The following POLRMT variants were observed in gnomAD, a reference collection of about 807,000 sequenced individuals.
POLRMT encodes the protein DNA-directed RNA polymerase, mitochondrial.
In POLRMT, 114 loss-of-function variants were observed where a neutral mutation model predicts 132.2. The ratio of observed to expected loss-of-function variants is 0.86; its 90% CI spans 0.74 to 1.01. The LOEUF (loss-of-function observed/expected upper bound fraction) is 1.01, where lower values mean the gene tolerates loss of function less well. POLRMT is among the 50% of genes least tolerant of loss of function. The probability of loss-of-function intolerance (pLI) is 0.00; values close to 1 mark genes in which losing one functional copy is unlikely to be tolerated. For synonymous variants in POLRMT, 1,020 were observed against 773.4 expected, an observed-to-expected ratio of 1.32 and a Z score of -5.29; for missense variants, 2,003 against 1,729.1, an observed-to-expected ratio of 1.16 and a Z score of -2.81.
rs149355349 is a variant in POLRMT, at chr19:617,608, C to T, written c.3543G>A (p.Gln1181=). Residue 1181 remains glutamine, a synonymous_variant, in exon 19 of 21, where the codon CAG becomes CAA. Coordinates refer to ENST00000588649, the MANE Select transcript of POLRMT (RefSeq NM_005035.4). ...GCTTGACCAGGAATCTGGACAGGTC[C>T]TGCAGGATGGGCTCGCTGTGCAAGC... ...FVRLHSEPIL[Q]DLSRFLVKRF... 27 of 1,612,354 alleles carry T rather than the reference C, an allele frequency of 1.7e-5. No individual in the cohort carries two copies. In the African/African-American group the frequency reaches 3.1e-4, roughly 18 times the overall value.
chr19:620,517 G>A (rs1005791538), intron 10 of POLRMT, 30 bp from the exon 11 acceptor site: 9 of 1,520,926 alleles, frequency 5.9e-6, no homozygotes, highest in African/African-American at 2.8e-5. Flanking sequence ...GGGGCAGTGA[G>A]GCCCGGGCCC....
chr19:627,187 T>G (rs1985086876), intron 3 of POLRMT, among the ~76,000 whole-genome samples: 2 of 145,666 alleles, frequency 1.4e-5, no homozygotes, highest in South Asian at 4.4e-4. Flanking sequence ...AGTCTCGCTC[T>G]GTCGCCCAGG....
chr19:633,045 G>C, intron 1 of POLRMT, 107 bp from the exon 2 acceptor site: 1 of 765,176 alleles, frequency 1.3e-6, no homozygotes, highest in Non-Finnish European at 2.0e-6. Flanking sequence ...AAACGCAGCG[G>C]AAACTCTCGG....
chr19:625,099 T>A lies in POLRMT; in HGVS notation c.953+25A>T, dbSNP rs757626644. ...ACCCTGGGAGGGACATGGTGGGGGGTGGGGGCCCTCCCGACACCACCTACC... is the reference window on the plus strand; with the variant it reads ...ACCCTGGGAGGGACATGGTGGGGGGAGGGGGCCCTCCCGACACCACCTACC... On this transcript the variant is annotated intron_variant, in intron 4 of 20. Transcript: ENST00000588649. 1.9e-6 allele frequency: 3 copies of A among 1,601,248 alleles called. No homozygotes were observed. In the South Asian group the frequency reaches 3.4e-5, roughly 18 times the overall value.
At position 617,880 on chromosome 19, in the gene POLRMT, G is replaced by A; in HGVS notation, c.3423-31C>T. The A allele has an allele frequency of 6.8e-6, 11 of 1,607,120 alleles. No homozygotes were observed. The South Asian group carries it at 7.7e-5, about 11-fold the overall frequency. On this transcript the variant is annotated intron_variant, in intron 17 of 20. Coordinates refer to ENST00000588649, the MANE Select transcript of POLRMT (RefSeq NM_005035.4). ...GCAGAGCGGAGGACTCCTGAAGGGAGGGGAGCTCACAGGGCCACCCAGTGA... is the reference window on the plus strand; with the variant it reads ...GCAGAGCGGAGGACTCCTGAAGGGAAGGGAGCTCACAGGGCCACCCAGTGA...
chr19:618,798 C>T (rs1161511678), intron 15 of POLRMT, 38 bp from the exon 16 acceptor site: 2 of 1,562,462 alleles, frequency 1.3e-6, no homozygotes, highest in Non-Finnish European at 1.7e-6. Flanking sequence ...CCACCCGAGG[C>T]CCAGCACGGT....
intron 15 of POLRMT, 75 bp downstream of exon 15, chr19:618,922 T>C: frequency 7.2e-7 from 1 of 1,381,334 alleles, no homozygotes; most frequent in Non-Finnish European, 9.9e-7. Context: ...GGTGGTACGC[T>C]GGGGCACTGG....
chr19:629,447 C>T (rs1985244924), intron 3 of POLRMT, 93 bp downstream of exon 3: 1 of 1,242,590 alleles, frequency 8.0e-7, no homozygotes. Context: ...GGACTTGAAC[C>T]TGGGGGCTAA....
At chr19:626,079 G>A (rs964638990) in intron 3 of POLRMT, among the ~76,000 whole-genome samples, 2 of 152,126 alleles carry the variant, frequency 1.3e-5, no homozygotes, top group African/African-American at 2.4e-5. Flanking sequence ...CAGGACTTCT[G>A]ACAGGTGGTG....
At chr19:632,608 G>C (rs1416080217) in intron 2 of POLRMT, among the ~76,000 whole-genome samples, 1 of 152,126 alleles carries the variant, frequency 6.6e-6, no homozygotes, top group Non-Finnish European at 1.5e-5. Flanking sequence ...ACCTGGTGGG[G>C]TTCTGGGGAG....
chr19:628,861 G>A (rs540087432), intron 3 of POLRMT, among the ~76,000 whole-genome samples: 46 of 152,152 alleles, frequency 3.0e-4, no homozygotes, highest in Middle Eastern at 3.4e-3. Context: ...AAAATTAATC[G>A]GGGGTGGTGG....
intron 2 of POLRMT, among the ~76,000 whole-genome samples, chr19:630,800 G>A (rs1985358424): frequency 6.6e-6 from 1 of 152,222 alleles, no homozygotes; most frequent in Admixed American, 6.5e-5. Context: ...GCCGCCTCAG[G>A]TTGCATTTTT....
In POLRMT at chr19:633,466, G is replaced by A; in HGVS notation, c.47C>T (p.Ala16Val). Residue 16 changes from alanine to valine, a missense_variant, in exon 1 of 21, where the codon GCC (alanine) becomes GTC (valine). Coordinates refer to ENST00000588649, the MANE Select transcript of POLRMT (RefSeq NM_005035.4). ...TCCCGGGCGGCCGCAAGGCCGTAGG[G>A]CTCGTTTGAGCCCCGCCGCTCCGCG... Reference protein sequence around the residue: ...WGRGAAGLKRALRPCGRPGLP... With the variant: ...WGRGAAGLKRVLRPCGRPGLP... 1 of 1,562,598 alleles carries A rather than the reference G, an allele frequency of 6.4e-7. No homozygotes were observed. The highest frequency in any genetic ancestry group is 8.7e-7 in the Non-Finnish European group (1 of 1,155,418).
Position 622,921 on chromosome 19 carries a change from G to C in POLRMT, c.1355C>G (p.Thr452Ser), listed in dbSNP as rs537749403. The change falls in exon 7 of 21, where the codon ACC becomes AGC. Residue 452 changes from threonine (T) to serine (S), a missense_variant. By Grantham distance (58) the Thr-to-Ser change is moderately conservative (BLOSUM62 1). Coordinates refer to ENST00000588649, the MANE Select transcript of POLRMT (RefSeq NM_005035.4). ...CACCTCGCGCTCTAGGCGGTTCTTG[G>C]TCTCCCGCAGCGCCCGGCACAGTGC... The part of the protein sequence containing the change: ...EKALCRALRE[T>S]KNRLEREVYE... 2.2e-5 allele frequency: 35 copies of C among 1,612,830 alleles called. 1 individual carries two copies. The South Asian group carries it at 3.3e-4, about 15-fold the overall frequency.
In POLRMT at chr19:618,920, G is replaced by A. The variant is rs1004175372; in HGVS notation, c.3267+77C>T. ...CGGTGGTACACTGGGGTGGTGGTAC[G>A]CTGGGGCACTGGTACACTGGGACGC... On this transcript the variant is annotated intron_variant, in intron 15 of 20. Coordinates refer to ENST00000588649, the MANE Select transcript of POLRMT (RefSeq NM_005035.4). 3.9e-5 allele frequency: 54 copies of A among 1,371,326 alleles called. 1 individual carries two copies. The Admixed American group carries it at 7.0e-4, about 18-fold the overall frequency. 84.9% of individuals were successfully genotyped at this position (1,371,326 alleles called of 1,614,324 possible).
rs1323980416 is a variant in POLRMT at position 621,645 on chromosome 19, C to T, written c.2053G>A (p.Glu685Lys). The stretch of plus-strand genomic sequence containing the variant: ...TGCAGCGCGGTGGGCGGGCAGGTTT[C>T]CAGCAGCTCCTGGTGCTGCGTGGCG... ...EGATQHQELL[E>K]TCPPTALHGA... Residue 685 changes from glutamate to lysine, a missense_variant, in exon 10 of 21, where the codon GAA (glutamate) becomes AAA (lysine). Coordinates refer to ENST00000588649, the MANE Select transcript of POLRMT (RefSeq NM_005035.4). 3 of 1,535,752 alleles carry T rather than the reference C, an allele frequency of 2.0e-6. No individual in the cohort carries two copies. In the South Asian group the frequency reaches 3.6e-5, roughly 19 times the overall value.
rs1568175912 is a variant in POLRMT at position 629,726 on chromosome 19, C to T, written c.636G>A (p.Gly212=). 2.5e-6 allele frequency: 4 copies of T among 1,586,918 alleles called. No homozygotes were observed. The South Asian group carries it at 4.5e-5, about 18-fold the overall frequency. ...LSLDVEQAPS[G]QHSQAQLSGQ... is the part of the protein sequence containing the mutation. ...CTGAGAGCTGGGCCTGCGAGTGCTGCCCCGACGGGGCCTGCTCCACATCGA... is the reference window on the plus strand; with the variant it reads ...CTGAGAGCTGGGCCTGCGAGTGCTGTCCCGACGGGGCCTGCTCCACATCGA... Residue 212 remains glycine (G), a synonymous_variant, in exon 3 of 21, where the codon GGG becomes GGA. Coordinates refer to ENST00000588649, the MANE Select transcript of POLRMT (RefSeq NM_005035.4).
chr19:617,720 C>G (rs1421962678), intron 18 of POLRMT, 57 bp downstream of exon 18: 2 of 1,610,976 alleles, frequency 1.2e-6, no homozygotes, highest in African/African-American at 2.7e-5. Flanking sequence ...CCCTACCCAA[C>G]GCCCCAGTGT....
chr19:623,072 G>T, intron 6 of POLRMT, 87 bp from the exon 7 acceptor site: 1 of 1,458,176 alleles, frequency 6.9e-7, no homozygotes, highest in Middle Eastern at 1.9e-4. Flanking sequence ...GCTCCCTGCA[G>T]AGACCTCATG....
Sources: gnomAD v4.1 joint callset for allele counts (sites outside exome capture counted in the v4.1 genomes callset) on GRCh38, gnomAD v4.1.1 for gene constraint, MANE v1.5 for transcripts, NCBI Gene and HGNC (gene_info 2026-07-23, HGNC 2026-07-21) for gene names.